HLCS: variants seen among roughly 807,000 people sequenced by gnomAD.
HLCS encodes biotin--protein ligase.
HLCS carries 53 observed loss-of-function variants against 75.0 expected under a neutral mutation model. The observed-to-expected ratio is 0.71, with a 90% confidence interval of 0.57 to 0.89. The LOEUF is 0.89. Among genes scored for constraint, HLCS ranks in the 40% least tolerant of loss-of-function variants. The probability of loss-of-function intolerance (pLI) is 0.00; values close to 1 mark genes in which losing one functional copy is unlikely to be tolerated. For missense variants in HLCS, 966 were observed against 1,074.0 expected (o/e 0.90, Z 1.41); for synonymous variants, 431 against 428.6 (o/e 1.01, Z -0.07).
At position 36,811,222 on chromosome 21, in the gene HLCS, C is replaced by T. The variant is rs185554536; in HGVS notation, c.1893-43937G>A. On this transcript the variant is annotated intron_variant, in intron 6 of 10. Coordinates refer to ENST00000674895, the MANE Select transcript of HLCS (RefSeq NM_001352514.2). ...ACTGATAACGTATCTATTCCTCATT[C>T]ACTGGATTCTACCCAGAAACAGCAC... Among the ~76,000 whole-genome samples the T allele has an allele frequency of 2.6e-5, 4 of 152,290 alleles. No homozygotes were observed. In the East Asian group the frequency reaches 7.7e-4, roughly 29 times the overall value.
chr21:36,838,298 T>TCTCACACACACA (rs1555907757), intron 6 of HLCS, among the ~76,000 whole-genome samples: 2 of 127,302 alleles, frequency 1.6e-5, no homozygotes, highest in African/African-American at 7.6e-5. Context: ...GGGTGAATGA[T>TCTCACACACACA]CACACACACA....
chr21:36,905,756 A>C (rs1360006802), intron 5 of HLCS, among the ~76,000 whole-genome samples: 1 of 152,144 alleles, frequency 6.6e-6, no homozygotes, highest in Non-Finnish European at 1.5e-5. Context: ...ATACAAGGTC[A>C]ATATACAAAA....
chr21:36,853,510 T>C (rs943195761), intron 6 of HLCS, among the ~76,000 whole-genome samples: 7 of 152,222 alleles, frequency 4.6e-5, no homozygotes, highest in Non-Finnish European at 1.0e-4. Flanking sequence ...AAGTATGTTA[T>C]TGTATTGATG....
intron 10 of HLCS, among the ~76,000 whole-genome samples, chr21:36,756,272 A>G (rs570083821): frequency 6.7e-6 from 1 of 150,236 alleles, no homozygotes; most frequent in South Asian, 2.1e-4. Flanking sequence ...CCCCACCTCC[A>G]CTAAAAATAC....
In HLCS at chr21:36,829,933, G is replaced by A. The variant is rs79224887; in HGVS notation, c.1893-62648C>T. 1.0e-3 allele frequency among the ~76,000 whole-genome samples: 157 copies of A among 152,324 alleles called. 2 individuals carry two copies. In the East Asian group the frequency reaches 0.028, roughly 27 times the overall value. ...CATGCACAGGGTTAGAGGCTGAACT[G>A]TGTCCCCCTAAAAATTCAGATATTG... On this transcript the variant is annotated intron_variant, in intron 6 of 10. Coordinates refer to ENST00000674895, the MANE Select transcript of HLCS (RefSeq NM_001352514.2).
intron 1 of HLCS, among the ~76,000 whole-genome samples, chr21:36,981,653 G>C (rs1366796156): frequency 6.6e-6 from 1 of 152,040 alleles, no homozygotes; most frequent in East Asian, 1.9e-4. Context: ...ACCCACCTCA[G>C]CCTCCCAAAG....
chr21:36,770,986 G>A (rs552026229), intron 6 of HLCS, among the ~76,000 whole-genome samples: 1 of 152,198 alleles, frequency 6.6e-6, no homozygotes, highest in South Asian at 2.1e-4. Flanking sequence ...TTGCGAGGCC[G>A]AGGCAGGCGG....
At chr21:36,839,577 G>A (rs1323961403) in intron 6 of HLCS, among the ~76,000 whole-genome samples, 1 of 152,164 alleles carries the variant, frequency 6.6e-6, no homozygotes, top group Non-Finnish European at 1.5e-5. Context: ...CCTGAGAGGG[G>A]ACCAGATATA....
At position 36,936,638 on chromosome 21, in the gene HLCS, G is replaced by C. The variant is rs1569215827; in HGVS notation, c.1248C>G (p.Asn416Lys). 1 of 1,614,210 alleles carries C rather than the reference G, an allele frequency of 6.2e-7. No individual in the cohort carries two copies. Among genetic ancestry groups the C allele is most frequent in the Non-Finnish European group, 8.5e-7 (1 of 1,180,044 alleles). ...TCTGGTCAGCCTTGGAGAAAACCAA[G>C]TTCTGGACTGTCTTGTGCAGTGCAC... is the stretch of plus-strand genomic sequence containing the variant. ...SKGALHKTVQNLVFSKADQSE... is the reference protein window; with the variant it reads ...SKGALHKTVQKLVFSKADQSE... Residue 416 changes from asparagine to lysine, a missense_variant, in exon 4 of 11, where the codon AAC (asparagine) becomes AAG (lysine). Transcript: ENST00000674895.
chr21:36,807,405 G>A (rs1161299333), intron 6 of HLCS, among the ~76,000 whole-genome samples: 7 of 152,228 alleles, frequency 4.6e-5, no homozygotes, highest in Admixed American at 4.6e-4. Flanking sequence ...ACAAAAGCGA[G>A]AGCATCTCCA....
intron 6 of HLCS, among the ~76,000 whole-genome samples, chr21:36,837,867 G>C (rs185692987): frequency 7.2e-5 from 11 of 152,288 alleles, no homozygotes; most frequent in African/African-American, 2.6e-4. Context: ...TTACAGCGGA[G>C]AGGGGAAGAA....
At chr21:36,872,786 T>C (rs1487542543) in intron 6 of HLCS, among the ~76,000 whole-genome samples, 1 of 152,226 alleles carries the variant, frequency 6.6e-6, no homozygotes, top group East Asian at 1.9e-4. Context: ...TAAGCTTCTA[T>C]GAATACGACC....
chr21:36,756,567 G>A lies in HLCS; in HGVS notation c.2425C>T (p.Leu809Phe). ...CTGTGGACCCAGTATCGGTAATAAAGGGGAAGGACGCTGTTGGGCCCTTTG... is the reference window on the plus strand; with the variant it reads ...CTGTGGACCCAGTATCGGTAATAAAAGGGAAGGACGCTGTTGGGCCCTTTG... ...QDKGPNSVLP[L>F]YYRYWVHSGQ... Residue 809 changes from leucine (L) to phenylalanine (F), a missense_variant, in exon 10 of 11, where the codon CTT becomes TTT. By Grantham distance (22) the Leu-to-Phe change is conservative. Coordinates refer to ENST00000674895, the MANE Select transcript of HLCS (RefSeq NM_001352514.2). 1 of 1,613,152 alleles carries A rather than the reference G, an allele frequency of 6.2e-7. No homozygotes were observed. The highest frequency in any genetic ancestry group is 8.5e-7 in the Non-Finnish European group (1 of 1,179,500).
Position 36,809,251 on chromosome 21 carries a change from T to G in HLCS, c.1893-41966A>C, listed in dbSNP as rs2061441733. 2.0e-5 allele frequency among the ~76,000 whole-genome samples: 3 copies of G among 152,266 alleles called. No homozygotes were observed. In the South Asian group the frequency reaches 6.2e-4, roughly 32 times the overall value. Reference sequence around the variant, plus strand: ...ATTCTGGGTTAGAATTTTCTGATTCTCTTTCAGTACCTTGAAAATGTTATT... The same window carrying G: ...ATTCTGGGTTAGAATTTTCTGATTCGCTTTCAGTACCTTGAAAATGTTATT... On this transcript the variant is annotated intron_variant, in intron 6 of 10. Coordinates refer to ENST00000674895, the MANE Select transcript of HLCS (RefSeq NM_001352514.2).
At chr21:36,985,297 C>A (rs1424654307) in intron 1 of HLCS, among the ~76,000 whole-genome samples, 3 of 152,238 alleles carry the variant, frequency 2.0e-5, no homozygotes, top group African/African-American at 4.8e-5. Flanking sequence ...CCCTTTTAAT[C>A]TGGAATAGTT....
intron 6 of HLCS, among the ~76,000 whole-genome samples, chr21:36,812,585 C>T (rs1415115416): frequency 6.6e-6 from 1 of 151,950 alleles, no homozygotes; most frequent in Non-Finnish European, 1.5e-5. Context: ...GTTTAAATTG[C>T]TAAGAAAATT....
In HLCS at chr21:36,989,262, AGGCCTCCCAGCGTGCT is replaced by A. The variant is rs538454749; in HGVS notation, c.-393+880_-393+895del. ...TGAACTCAAAGAGATTCTCCCACCT[AGGCCTCCCAGCGTGCT>A]GGGATTACAGGCGTGAGCCACAGTG... On this transcript the variant is annotated intron_variant, in intron 1 of 11. Transcript: ENST00000336648. Among the ~76,000 whole-genome samples, 687 of 138,888 alleles carry A rather than the reference AGGCCTCCCAGCGTGCT, an allele frequency of 4.9e-3. 4 individuals carry two copies. The highest frequency in any genetic ancestry group is 0.017 in the African/African-American group (630 of 36,508). The allele number at this position is 138,888 out of a possible 152,430, so 91.1% of individuals were successfully genotyped here. A position where few individuals can be genotyped will look rare whatever the true frequency, so the allele number is the denominator to read the frequency against.
chr21:36,909,339 T>C (rs1029191328), intron 5 of HLCS, among the ~76,000 whole-genome samples: 2 of 152,134 alleles, frequency 1.3e-5, no homozygotes, highest in Non-Finnish European at 2.9e-5. Flanking sequence ...CATAACTAAA[T>C]AAAGTTGATT....
intron 5 of HLCS, among the ~76,000 whole-genome samples, chr21:36,920,319 C>A (rs1458692734): frequency 6.8e-6 from 1 of 147,670 alleles, no homozygotes; most frequent in East Asian, 2.0e-4. Context: ...AGTGACAGAA[C>A]GAGACCCTGT....
Sources: allele counts gnomAD v4.1 joint callset (sites outside exome capture counted in the v4.1 genomes callset), GRCh38; gene constraint gnomAD v4.1.1; transcripts MANE v1.5; gene names NCBI Gene and HGNC (gene_info 2026-07-23, HGNC 2026-07-21).